Variants in CEP128 observed in about 807,000 individuals in gnomAD.
The protein encoded by CEP128 is centrosomal protein 128.
CEP128 carries 132 observed loss-of-function variants against 156.7 expected under a neutral mutation model. The ratio of observed to expected loss-of-function variants is 0.84; its 90% CI spans 0.73 to 0.97. The LOEUF (loss-of-function observed/expected upper bound fraction) is 0.97, where lower values mean the gene tolerates loss of function less well. Ranked by LOEUF, CEP128 falls within the 50% of genes least tolerant of loss-of-function variation. The probability of loss-of-function intolerance (pLI) is 0.00; values close to 1 mark genes in which losing one functional copy is unlikely to be tolerated. For synonymous variants in CEP128, 469 were observed against 448.9 expected, an observed-to-expected ratio of 1.04 and a Z score of -0.57; for missense variants, 1,252 against 1,281.9, an observed-to-expected ratio of 0.98 and a Z score of 0.36.
intron 2 of CEP128, among the ~76,000 whole-genome samples, chr14:80,934,199 T>C (rs1266795570): frequency 3.3e-5 from 5 of 152,194 alleles, no homozygotes; most frequent in Non-Finnish European, 5.9e-5. Flanking sequence ...ATAATGGCCT[T>C]CATCCTAAAA....
chr14:80,547,797 A>T (rs1180558595), intron 21 of CEP128, among the ~76,000 whole-genome samples: 4 of 141,190 alleles, frequency 2.8e-5, no homozygotes, highest in East Asian at 2.0e-4. Context: ...AGGGAGAGGA[A>T]TTTTTTTTTT....
chr14:80,850,032 T>C (rs1375881692), intron 9 of CEP128, among the ~76,000 whole-genome samples: 1 of 152,038 alleles, frequency 6.6e-6, no homozygotes, highest in Non-Finnish European at 1.5e-5. Context: ...TTACTAGATA[T>C]AAATAGTTTC....
At chr14:80,576,799 G>A (rs1010810711) in intron 20 of CEP128, among the ~76,000 whole-genome samples, 4 of 151,940 alleles carry the variant, frequency 2.6e-5, no homozygotes, top group African/African-American at 9.7e-5. Context: ...CAGGAATAGG[G>A]GCTATATAAA....
intron 19 of CEP128, among the ~76,000 whole-genome samples, chr14:80,693,531 C>G (rs1208855662): frequency 6.6e-6 from 1 of 152,046 alleles, no homozygotes; most frequent in Non-Finnish European, 1.5e-5. Flanking sequence ...TAAAAATAAA[C>G]TGCCATAACT....
intron 13 of CEP128, among the ~76,000 whole-genome samples, chr14:80,800,912 C>T (rs1883804105): frequency 6.6e-6 from 1 of 151,998 alleles, no homozygotes; most frequent in African/African-American, 2.4e-5. Context: ...TTCAGCAAGA[C>T]CTCAGAAAGA....
At chr14:80,879,952 G>C (rs1888455459) in intron 8 of CEP128, among the ~76,000 whole-genome samples, 1 of 152,108 alleles carries the variant, frequency 6.6e-6, no homozygotes, top group Non-Finnish European at 1.5e-5. Flanking sequence ...CCAAAAAATG[G>C]AGCTAGAATA....
In CEP128 at chr14:80,807,536, T is replaced by C. The variant is rs561175993; in HGVS notation, c.1210-14426A>G. Among the ~76,000 whole-genome samples, 5 of 152,258 alleles carry C rather than the reference T, an allele frequency of 3.3e-5. No individual in the cohort carries two copies. The East Asian group carries it at 9.7e-4, about 29-fold the overall frequency. On this transcript the variant is annotated intron_variant, in intron 13 of 24. Coordinates refer to ENST00000555265, the MANE Select transcript of CEP128 (RefSeq NM_152446.5). ...ACAGGAAGTAAGAGACCAGCTCAAC[T>C]GGGATCAGCTGAAGACCCAGCGGGG...
chr14:80,695,139 C>G (rs1336430627), intron 19 of CEP128, among the ~76,000 whole-genome samples: 1 of 150,758 alleles, frequency 6.6e-6, no homozygotes, highest in Non-Finnish European at 1.5e-5. Flanking sequence ...GCAGGGATTG[C>G]ATTTGTGCCT....
At chr14:80,637,831 G>A (rs1894251178) in intron 19 of CEP128, among the ~76,000 whole-genome samples, 1 of 152,162 alleles carries the variant, frequency 6.6e-6, no homozygotes, top group African/African-American at 2.4e-5. Context: ...AGAGAGATGA[G>A]ACACAGAAAA....
intron 20 of CEP128, among the ~76,000 whole-genome samples, chr14:80,561,896 C>CTATCTATA: frequency 1.4e-5 from 2 of 142,300 alleles, no homozygotes; most frequent in East Asian, 4.1e-4. Context: ...ATACGAAGGT[C>CTATCTATA]TATATATATA....
At chr14:80,756,518 C>T (rs1257172227) in intron 18 of CEP128, among the ~76,000 whole-genome samples, 1 of 152,136 alleles carries the variant, frequency 6.6e-6, no homozygotes, top group Non-Finnish European at 1.5e-5. Flanking sequence ...TTAAATATTG[C>T]TTTTTTCCAG....
chr14:80,724,848 G>A (rs941277953), intron 19 of CEP128, among the ~76,000 whole-genome samples: 2 of 151,282 alleles, frequency 1.3e-5, no homozygotes, highest in Non-Finnish European at 3.0e-5. Flanking sequence ...ACTTCTGACT[G>A]TATACTCTAG....
chr14:80,608,804 C>A (rs1892885133), intron 19 of CEP128, among the ~76,000 whole-genome samples: 5 of 152,300 alleles, frequency 3.3e-5, no homozygotes, highest in African/African-American at 9.6e-5. Flanking sequence ...CTCTCACAGT[C>A]AGTACCCTGT....
At chr14:80,525,894 G>C (rs1205414738) in intron 23 of CEP128, among the ~76,000 whole-genome samples, 1 of 152,054 alleles carries the variant, frequency 6.6e-6, no homozygotes, top group Non-Finnish European at 1.5e-5. Flanking sequence ...ACGCTTCTTA[G>C]AATTAATTAT....
intron 19 of CEP128, among the ~76,000 whole-genome samples, chr14:80,594,260 G>T (rs966699069): frequency 1.3e-5 from 2 of 152,130 alleles, no homozygotes; most frequent in Non-Finnish European, 2.9e-5. Context: ...GGGGTAACTG[G>T]CTAGCCATAT....
intron 19 of CEP128, among the ~76,000 whole-genome samples, chr14:80,633,861 G>A (rs1269219346): frequency 6.6e-6 from 1 of 152,148 alleles, no homozygotes; most frequent in Admixed American, 6.5e-5. Context: ...TTAAAAAAAT[G>A]TGAATCCCTA....
At chr14:80,729,120 T>TGTGTGTGTGTGTGTGTGTGTGTGTGC (rs1367468015) in intron 19 of CEP128, among the ~76,000 whole-genome samples, 2 of 97,766 alleles carry the variant, frequency 2.0e-5, no homozygotes, top group African/African-American at 5.9e-5. Context: ...TGTGTGTGTG[T>TGTGTGTGTGTGTGTGTGTGTGTGTGC]GTGTGTGTTT....
At chr14:80,533,673 C>T (rs893838524) in intron 21 of CEP128, among the ~76,000 whole-genome samples, 1 of 152,076 alleles carries the variant, frequency 6.6e-6, no homozygotes, top group Non-Finnish European at 1.5e-5. Flanking sequence ...CCTTGCCATC[C>T]CCCGCTGCCC....
At chr14:80,486,819 C>T (rs1456802313), downstream of CEP128, among the ~76,000 whole-genome samples, 1 of 152,092 alleles carries the variant, frequency 6.6e-6, no homozygotes, top group African/African-American at 2.4e-5. Flanking sequence ...TAAAGTAAAG[C>T]AAATGCTGAG....
Sources: gnomAD v4.1 joint callset for allele counts (sites outside exome capture counted in the v4.1 genomes callset) on GRCh38, gnomAD v4.1.1 for gene constraint, MANE v1.5 for transcripts, NCBI Gene and HGNC (gene_info 2026-07-23, HGNC 2026-07-21) for gene names.